SYNPO: variants seen among roughly 807,000 people sequenced by gnomAD.
The protein encoded by SYNPO is synaptopodin.
SYNPO carries 19 observed loss-of-function variants against 49.5 expected under a neutral mutation model. The ratio of observed to expected loss-of-function variants is 0.38; its 90% CI spans 0.27 to 0.56. The LOEUF is 0.56. Ranked by LOEUF, SYNPO falls within the 20% of genes least tolerant of loss-of-function variation. The pLI is 0.68. For missense variants in SYNPO, 1,131 were observed against 1,248.3 expected, an observed-to-expected ratio of 0.91 and a Z score of 1.42; for synonymous variants, 536 against 548.0, an observed-to-expected ratio of 0.98 and a Z score of 0.31.
chr5:150,653,216 C>T (rs1460907729), intron 2 of SYNPO: 5 of 152,212 alleles, frequency 3.3e-5, no homozygotes, highest in Non-Finnish European at 7.3e-5. Flanking sequence ...ACACCCCCGA[C>T]TCAAAAACAT....
intron 2 of SYNPO, chr5:150,651,970 CT>C: frequency 2.0e-6 from 2 of 1,000,472 alleles, no homozygotes; most frequent in Non-Finnish European, 1.2e-6. Flanking sequence ...ACCCACTTCT[CT>C]TTCCCAGCCC....
chr5:150,618,425 C>T (rs1225610674), exon 2 of SYNPO: 1 of 1,551,532 alleles, frequency 6.4e-7, no homozygotes, highest in Admixed American at 2.0e-5. Flanking sequence ...GAGGCCTACC[C>T]CCTGCGCCTT....
upstream of SYNPO, among the ~76,000 whole-genome samples, chr5:150,596,786 T>C (rs143690946): frequency 4.6e-5 from 7 of 152,222 alleles, no homozygotes; most frequent in Non-Finnish European, 8.8e-5. Flanking sequence ...GGCTGCCATC[T>C]CCTGCACGGG....
rs373356879 is a variant in SYNPO at position 150,650,215 on chromosome 5, C to G, written c.1940C>G (p.Pro647Arg). ...VSPPYGGDIS[P>R]VSPSRAWSPR... ...CCTCCTTACGGCGGTGACATCTCCC[C>G]CGTGTCTCCCTCCAGGGCGTGGTCT... Residue 647 changes from proline to arginine, a missense_variant, in exon 2 of 3, where the codon CCC becomes CGC. By Grantham distance (103) the Pro-to-Arg change is moderately radical. Coordinates refer to ENST00000307662, the MANE Select transcript of SYNPO (RefSeq NM_007286.6). The G allele has an allele frequency of 1.6e-5, 26 of 1,613,828 alleles. 1 individual carries two copies. The highest frequency in any genetic ancestry group is 1.3e-4 in the South Asian group (12 of 91,092).
At chr5:150,629,889 G>A (rs141993132) in intron 2 of SYNPO, among the ~76,000 whole-genome samples, 130 of 152,202 alleles carry the variant, frequency 8.5e-4, no homozygotes, top group African/African-American at 3.1e-3. Flanking sequence ...TCAAACACAG[G>A]CAGTCTGGCC....
In SYNPO at chr5:150,650,017, C is replaced by T. The variant is rs144240217; in HGVS notation, c.1742C>T (p.Ala581Val). ...GTCCTCTCACCTATCAAGGAGCCTG[C>T]CAAGGTCTCACCAAGAGCTGCCTCG... is the stretch of plus-strand genomic sequence containing the variant. ...LFVLSPIKEP[A>V]KVSPRAASPA... Residue 581 changes from alanine to valine, a missense_variant, in exon 2 of 3, where the codon GCC becomes GTC. Coordinates refer to ENST00000307662, the MANE Select transcript of SYNPO (RefSeq NM_007286.6). The T allele has an allele frequency of 2.7e-4, 440 of 1,612,506 alleles. 2 individuals carry two copies. In the African/African-American group the frequency reaches 5.2e-3, roughly 19 times the overall value.
At position 150,657,350 on chromosome 5, in the gene SYNPO, C is replaced by A; in HGVS notation, c.*263C>A. 1 of 508,390 alleles carries A rather than the reference C, an allele frequency of 2.0e-6. No individual in the cohort carries two copies. Among genetic ancestry groups the A allele is most frequent in the Non-Finnish European group, 3.5e-6 (1 of 283,370 alleles). 31.5% of individuals were successfully genotyped at this position (508,390 alleles called of 1,614,324 possible). A position where few individuals can be genotyped will look rare whatever the true frequency, so the allele number is the denominator to read the frequency against. ...TGTTTAATGGTGGCTTTGGCCAAGG[C>A]AATCCACAAACGTCAAAATTCCCCT... On this transcript the variant is annotated 3_prime_UTR_variant, in exon 3 of 3. Coordinates refer to ENST00000307662, the MANE Select transcript of SYNPO (RefSeq NM_007286.6).
At chr5:150,650,984 TGA>T in intron 2 of SYNPO, 1 of 1,247,558 alleles carries the variant, frequency 8.0e-7, no homozygotes, top group Non-Finnish European at 1.0e-6. Flanking sequence ...CACTGCTGTC[TGA>T]CGCTTTTCTT....
rs759702314 is a variant in SYNPO, at chr5:150,648,981, G to A, written c.706G>A (p.Val236Ile). 6.2e-7 allele frequency: 1 copy of A among 1,614,260 alleles called. No homozygotes were observed. Among genetic ancestry groups the A allele is most frequent in the South Asian group, 1.1e-5 (1 of 91,090 alleles). The change falls in exon 2 of 3, where the codon GTC becomes ATC. Residue 236 changes from valine (V) to isoleucine (I), a missense_variant. Val to Ile is a conservative substitution (Grantham distance 29). Around this residue, in one of 4 missense-constraint regions of SYNPO, gnomAD observed 602 missense variants for 720.7 expected, o/e 0.84. Transcript: ENST00000307662. This position sits in a 1 kb window ranked among gnomAD's most constrained non-coding sequence, Gnocchi z 5.0. The stretch of plus-strand genomic sequence containing the variant: ...CACACTGGCCAAGCCCCCATCAGTG[G>A]TCAACAGGACGGCCAGGCCTTTTGG... The part of the protein sequence containing the change: ...HFTLAKPPSV[V>I]NRTARPFGIQ...
upstream of SYNPO, among the ~76,000 whole-genome samples, chr5:150,638,050 A>T (rs2151397019): frequency 1.5e-5 from 2 of 133,564 alleles, no homozygotes; most frequent in African/African-American, 5.6e-5. Context: ...CCTCTATCAA[A>T]GTTTCCTTTC....
intron 1 of SYNPO, among the ~76,000 whole-genome samples, chr5:150,647,394 A>G (rs1233125891): frequency 6.6e-6 from 1 of 152,250 alleles, no homozygotes; most frequent in Non-Finnish European, 1.5e-5. Flanking sequence ...GGAGAAGGAA[A>G]GGTGCCTCCA....
chr5:150,650,102 A>G lies in SYNPO; in HGVS notation c.1827A>G (p.Pro609=). 1.9e-6 allele frequency: 3 copies of G among 1,613,058 alleles called. No individual in the cohort carries two copies. Among genetic ancestry groups the G allele is most frequent in the Non-Finnish European group, 2.5e-6 (3 of 1,179,784 alleles). ...VPNLPKGALP[P]SPALPRPSRS... ...ACCTGCCCAAGGGGGCTCTCCCTCCATCTCCTGCCCTGCCTCGGCCCTCGC... is the reference window on the plus strand; with the variant it reads ...ACCTGCCCAAGGGGGCTCTCCCTCCGTCTCCTGCCCTGCCTCGGCCCTCGC... Residue 609 remains proline, a synonymous_variant, in exon 2 of 3, where the codon CCA becomes CCG. Transcript: ENST00000307662.
At position 150,612,423 on chromosome 5, in the gene SYNPO, C is replaced by G. The variant is rs574578895; in HGVS notation, c.-265-5680C>G. 1.4e-4 allele frequency among the ~76,000 whole-genome samples: 22 copies of G among 152,370 alleles called. No individual in the cohort carries two copies. The East Asian group carries it at 1.9e-3, about 13-fold the overall frequency. ...ATCAGAGAGAAGCTCCTTCCTCCCT[C>G]CCATCCTTCCATTTCCCATTCCTCT... is the stretch of plus-strand genomic sequence containing the variant. On this transcript the variant is annotated intron_variant, in intron 1 of 2. Coordinates refer to the SYNPO transcript ENST00000394243.
At chr5:150,650,778 C>T in intron 2 of SYNPO, 1 of 1,293,456 alleles carries the variant, frequency 7.7e-7, no homozygotes, top group Non-Finnish European at 9.8e-7. Context: ...CCTCAGCTGC[C>T]CCAGGGGGGC....
At chr5:150,623,720 C>T (rs540357621) in intron 2 of SYNPO, among the ~76,000 whole-genome samples, 1 of 152,342 alleles carries the variant, frequency 6.6e-6, no homozygotes. Flanking sequence ...GTTTCACAGG[C>T]CCTTGTGTGG....
In SYNPO at chr5:150,648,809, C is replaced by T. The variant is rs753479370; in HGVS notation, c.534C>T (p.Pro178=). 6.2e-7 allele frequency: 1 copy of T among 1,614,258 alleles called. No homozygotes were observed. The highest frequency in any genetic ancestry group is 2.2e-5 in the East Asian group (1 of 44,888). ...TCTCCAGAGAAGCTACGCTCATCCC[C>T]AGCTCCAGGCCCCCAGCCTCAGATT... ...STFSREATLI[P]SSRPPASDFM... Residue 178 remains proline, a synonymous_variant, in exon 2 of 3, where the codon CCC becomes CCT. Transcript: ENST00000307662. This position sits in a 1 kb window ranked among gnomAD's most constrained non-coding sequence, Gnocchi z 5.0.
intron 1 of SYNPO, among the ~76,000 whole-genome samples, chr5:150,602,083 A>G (rs547596269): frequency 5.5e-4 from 84 of 152,334 alleles, no homozygotes; most frequent in African/African-American, 1.9e-3. Flanking sequence ...GGGGGCACAG[A>G]GGACACTGGG....
At chr5:150,642,229 G>A (rs556712455) in intron 1 of SYNPO, among the ~76,000 whole-genome samples, 6 of 152,268 alleles carry the variant, frequency 3.9e-5, no homozygotes, top group Admixed American at 2.0e-4. Context: ...GGGGCTTCTC[G>A]CCTACTCCCC....
chr5:150,642,093 T>C (rs1464431825), intron 1 of SYNPO, among the ~76,000 whole-genome samples: 2 of 152,270 alleles, frequency 1.3e-5, no homozygotes, highest in African/African-American at 4.8e-5. Context: ...ACAGGACTTA[T>C]GTCTGGGAGC....
Sources: gnomAD v4.1 joint callset for allele counts (sites outside exome capture counted in the v4.1 genomes callset) on GRCh38, gnomAD v4.1.1 for gene constraint, gnomAD v4.1.1 regional missense constraint, Gnocchi (gnomAD v3.1) non-coding constraint, MANE v1.5 for transcripts, NCBI Gene and HGNC (gene_info 2026-07-23, HGNC 2026-07-21) for gene names.